SMIM13: variants seen among roughly 807,000 people sequenced by gnomAD.
SMIM13 encodes the protein UPF0766 protein C6orf228.
In SMIM13, 3 loss-of-function variants were observed where a neutral mutation model predicts 5.9. That is an observed-to-expected ratio of 0.51 (90% CI 0.23 to 1.31). The LOEUF is 1.31. Ranked by LOEUF, SMIM13 falls within the 40% of genes most tolerant of loss-of-function variation. The pLI is 0.18. For synonymous variants in SMIM13, 55 were observed against 46.0 expected (o/e 1.19, Z -0.79); for missense variants, 85 against 109.9 (o/e 0.77, Z 1.01).
chr6:11,112,258 C>CTT (rs573096581), intron 1 of SMIM13, among the ~76,000 whole-genome samples: 3 of 145,658 alleles, frequency 2.1e-5, no homozygotes, highest in South Asian at 2.2e-4. Context: ...GAACTGCTTG[C>CTT]TTTTTTTTTT....
At chr6:11,120,525 C>G (rs1176581542) in intron 1 of SMIM13, among the ~76,000 whole-genome samples, 1 of 152,184 alleles carries the variant, frequency 6.6e-6, no homozygotes, top group Non-Finnish European at 1.5e-5. Flanking sequence ...ACCTAATCAC[C>G]TCCCAGAGGC....
At chr6:11,112,205 A>G (rs12200717) in intron 1 of SMIM13, among the ~76,000 whole-genome samples, 22,153 of 150,904 alleles carry the variant, frequency 0.15, 1,783 homozygotes, top group Non-Finnish European at 0.18. Flanking sequence ...CTGCCTGACT[A>G]CCTACTCTAA....
Position 11,115,759 on chromosome 6 carries a change from A to G in SMIM13, c.77-18644A>G, listed in dbSNP as rs1204403657. Among the ~76,000 whole-genome samples the G allele has an allele frequency of 2.0e-5, 3 of 146,978 alleles. No individual in the cohort carries two copies. In the East Asian group the frequency reaches 6.0e-4, roughly 29 times the overall value. On this transcript the variant is annotated intron_variant, in intron 1 of 1. Transcript: ENST00000416247. ...GGGTGCAATTGCTCAGTCTCGGCTC[A>G]CTGCAACCTCTGCCTCCTGGGTTCA...
At chr6:11,103,963 C>G in intron 1 of SMIM13, 2 of 1,551,680 alleles carry the variant, frequency 1.3e-6, no homozygotes, top group Non-Finnish European at 1.7e-6. Context: ...CTGATGTTGT[C>G]TTGTACTTTT....
chr6:11,106,199 C>T (rs1415196464), intron 1 of SMIM13, among the ~76,000 whole-genome samples: 1 of 152,202 alleles, frequency 6.6e-6, no homozygotes, highest in African/African-American at 2.4e-5. Flanking sequence ...AGGAATTTAG[C>T]TACCTCCTGT....
chr6:11,112,329 G>A (rs1477239985), intron 1 of SMIM13, among the ~76,000 whole-genome samples: 1 of 151,706 alleles, frequency 6.6e-6, no homozygotes, highest in Non-Finnish European at 1.5e-5. Flanking sequence ...TTGGCTCACT[G>A]CAACCTCCAC....
Position 11,100,241 on chromosome 6 carries a change from T to C in SMIM13, c.76+5852T>C, listed in dbSNP as rs77281463. On this transcript the variant is annotated intron_variant, in intron 1 of 1. Coordinates refer to ENST00000416247, the MANE Select transcript of SMIM13 (RefSeq NM_001135575.2). ...ATGCCCAGCTAATTTTTTGTACTTT[T>C]AGTGGAGATGAGGTTTCACCGTGTT... 1.2e-4 allele frequency among the ~76,000 whole-genome samples: 19 copies of C among 152,210 alleles called. No homozygotes were observed. In the East Asian group the frequency reaches 3.7e-3, roughly 29 times the overall value.
At chr6:11,132,911 G>T (rs965642875) in intron 1 of SMIM13, among the ~76,000 whole-genome samples, 4 of 152,150 alleles carry the variant, frequency 2.6e-5, no homozygotes, top group African/African-American at 9.7e-5. Flanking sequence ...TTAAAAGGAT[G>T]AATTTTAGGG....
intron 1 of SMIM13, among the ~76,000 whole-genome samples, chr6:11,120,303 C>T (rs368054267): frequency 1.2e-4 from 18 of 152,192 alleles, no homozygotes; most frequent in Admixed American, 4.6e-4. Context: ...TTATAAACAA[C>T]GGAAGTTTAT....
chr6:11,104,960 G>A (rs1758061602), intron 1 of SMIM13: 1 of 1,614,066 alleles, frequency 6.2e-7, no homozygotes, highest in African/African-American at 1.3e-5. Context: ...CCATTAGGTT[G>A]ATATTAGTAA....
chr6:11,100,010 C>T (rs1444281020), intron 1 of SMIM13, among the ~76,000 whole-genome samples: 1 of 151,948 alleles, frequency 6.6e-6, no homozygotes, highest in Non-Finnish European at 1.5e-5. Flanking sequence ...ACATAATTGC[C>T]TTTTTAGCTT....
At chr6:11,108,153 A>G (rs1758114486) in intron 1 of SMIM13, among the ~76,000 whole-genome samples, 1 of 152,238 alleles carries the variant, frequency 6.6e-6, no homozygotes, top group African/African-American at 2.4e-5. Context: ...AAAATGAATG[A>G]GAAAAGACGG....
intron 1 of SMIM13, among the ~76,000 whole-genome samples, chr6:11,126,957 C>G (rs1758385461): frequency 6.6e-6 from 1 of 152,184 alleles, no homozygotes; most frequent in Admixed American, 6.5e-5. Context: ...AGCAGAAACT[C>G]TTGTTCTCTT....
At chr6:11,103,999 AT>A (rs1561752350) in intron 1 of SMIM13, 1 of 1,551,580 alleles carries the variant, frequency 6.4e-7, no homozygotes, top group South Asian at 1.2e-5. Context: ...CAAAAGCAAC[AT>A]TTTTCATCTA....
Position 11,136,605 on chromosome 6 carries a change from A to G in SMIM13, c.*2003A>G, listed in dbSNP as rs1021381420. 2.9e-4 allele frequency: 44 copies of G among 152,128 alleles called. No individual in the cohort carries two copies. The highest frequency in any genetic ancestry group is 1.9e-4 in the East Asian group (1 of 5,196). 9.4% of individuals were successfully genotyped at this position (152,128 alleles called of 1,614,324 possible). A position where few individuals can be genotyped will look rare whatever the true frequency, so the allele number is the denominator to read the frequency against. ...CTATATTGTAGCTCTTGGAGATACTAAAAGAGAATTCACAGAACATAACTT... is the reference window on the plus strand; with the variant it reads ...CTATATTGTAGCTCTTGGAGATACTGAAAGAGAATTCACAGAACATAACTT... On this transcript the variant is annotated 3_prime_UTR_variant, in exon 2 of 2. Coordinates refer to ENST00000416247, the MANE Select transcript of SMIM13 (RefSeq NM_001135575.2).
rs549957527 is a variant in SMIM13, at chr6:11,135,627, A to T, written c.*1025A>T. ...ACACCGGGAGAGACGTTCTGTGGAA[A>T]AATGCAGACATCAATGACTGTGGTT... is the stretch of plus-strand genomic sequence containing the variant. On this transcript the variant is annotated 3_prime_UTR_variant, in exon 2 of 2. Coordinates refer to ENST00000416247, the MANE Select transcript of SMIM13 (RefSeq NM_001135575.2). 1.3e-5 allele frequency: 2 copies of T among 152,640 alleles called. No individual in the cohort carries two copies. The highest frequency in any genetic ancestry group is 4.8e-5 in the African/African-American group (2 of 41,470). 9.5% of individuals were successfully genotyped at this position (152,640 alleles called of 1,614,324 possible).
intron 1 of SMIM13, among the ~76,000 whole-genome samples, chr6:11,127,261 C>G (rs1377760881): frequency 6.6e-6 from 1 of 152,172 alleles, no homozygotes; most frequent in Non-Finnish European, 1.5e-5. Context: ...GAGCCAGAGC[C>G]AGGAGTTGGG....
Position 11,125,294 on chromosome 6 carries a change from TA to T in SMIM13, c.77-9090del, listed in dbSNP as rs34260357. On this transcript the variant is annotated intron_variant, in intron 1 of 1. Transcript: ENST00000416247. Reference sequence around the variant, plus strand: ...TGGGCAACAGAGTGAGACTCCATCTTAAAAAAAAAAAAAAAAAAAGGCCTGG... The same window carrying T: ...TGGGCAACAGAGTGAGACTCCATCTTAAAAAAAAAAAAAAAAAAGGCCTGG... Among the ~76,000 whole-genome samples the T allele has an allele frequency of 2.5e-3, 258 of 105,164 alleles. 2 individuals carry two copies. Among genetic ancestry groups the T allele is most frequent in the Admixed American group, 2.9e-3 (28 of 9,558 alleles). The allele number at this position is 105,164 out of a possible 152,430, so 69.0% of individuals were successfully genotyped here.
At chr6:11,123,222 C>T (rs565685564) in intron 1 of SMIM13, among the ~76,000 whole-genome samples, 3 of 152,006 alleles carry the variant, frequency 2.0e-5, no homozygotes, top group Non-Finnish European at 2.9e-5. Flanking sequence ...CAGAGAGAAG[C>T]GTAGAGGAAA....
Sources: gnomAD v4.1 joint callset for allele counts (sites outside exome capture counted in the v4.1 genomes callset) on GRCh38, gnomAD v4.1.1 for gene constraint, MANE v1.5 for transcripts, NCBI Gene and HGNC (gene_info 2026-07-23, HGNC 2026-07-21) for gene names.